The following AKAP13 variants were observed in gnomAD, a reference collection of about 807,000 sequenced individuals.
AKAP13 encodes A-kinase anchoring protein 13, also known as A-kinase anchor protein 13.
Under a neutral mutation model 264.5 loss-of-function variants are expected in AKAP13, and 80 were observed. The ratio of observed to expected loss-of-function variants is 0.30; its 90% CI spans 0.25 to 0.36. AKAP13 has a LOEUF of 0.36. Among genes scored for constraint, AKAP13 ranks in the 10% least tolerant of loss-of-function variants. The probability of loss-of-function intolerance (pLI) is 1.00; values close to 1 mark genes in which losing one functional copy is unlikely to be tolerated. For missense variants in AKAP13, 3,712 were observed against 3,435.2 expected (o/e 1.08, Z -2.01); for synonymous variants, 1,380 against 1,250.2 (o/e 1.10, Z -2.19).
chr15:85,463,733 C>A (rs2074613984), intron 1 of AKAP13, among the ~76,000 whole-genome samples: 1 of 151,892 alleles, frequency 6.6e-6, no homozygotes, highest in Non-Finnish European at 1.5e-5. Context: ...ACATCAAAGG[C>A]AGTGAGTTCT....
intron 17 of AKAP13, chr15:85,700,959 C>G (rs1326660759): frequency 6.6e-6 from 1 of 152,164 alleles, no homozygotes; most frequent in Non-Finnish European, 1.5e-5. Flanking sequence ...CCTCTGACCT[C>G]ACGTTTTTAG....
At chr15:85,409,905 A>G (rs1248863564) in intron 1 of AKAP13, among the ~76,000 whole-genome samples, 14 of 151,612 alleles carry the variant, frequency 9.2e-5, no homozygotes. Flanking sequence ...TGCTGGGATT[A>G]CAGGCGTGAG....
chr15:85,695,226 G>GA (rs1555460337), intron 17 of AKAP13, among the ~76,000 whole-genome samples: 2 of 152,174 alleles, frequency 1.3e-5, no homozygotes, highest in Non-Finnish European at 2.9e-5. Flanking sequence ...CCAACATGGC[G>GA]AAACCCCGTC....
intron 2 of AKAP13, among the ~76,000 whole-genome samples, chr15:85,502,956 G>A (rs2076075966): frequency 6.6e-6 from 1 of 152,164 alleles, no homozygotes; most frequent in South Asian, 2.1e-4. Flanking sequence ...GAGAAATAGT[G>A]TGTTTTACTA....
intron 6 of AKAP13, among the ~76,000 whole-genome samples, chr15:85,577,044 C>CA: frequency 6.6e-6 from 1 of 152,340 alleles, no homozygotes; most frequent in East Asian, 1.9e-4. Context: ...GTCGTACTCT[C>CA]AGCAGGACTG....
chr15:85,566,135 T>A (rs1049417709), intron 5 of AKAP13, among the ~76,000 whole-genome samples: 1 of 152,236 alleles, frequency 6.6e-6, no homozygotes, highest in South Asian at 2.1e-4. Context: ...AGAGAGACAA[T>A]TCACTTTATT....
rs1491342478 is a variant in AKAP13, at chr15:85,498,197, G to GATATATATAT, written c.33+12445_33+12446insTATATATATA. 3.1e-3 allele frequency among the ~76,000 whole-genome samples: 94 copies of GATATATATAT among 30,066 alleles called. 3 individuals are homozygous for GATATATATAT. Among genetic ancestry groups the GATATATATAT allele is most frequent in the South Asian group, 0.016 (21 of 1,278 alleles). The allele number at this position is 30,066 out of a possible 152,430, so 19.7% of individuals were successfully genotyped here. The stretch of plus-strand genomic sequence containing the variant: ...TGTGGTAGTAAGGATTAAATGAAGT[G>GATATATATAT]AGATATATATATATATATATATATA... On this transcript the variant is annotated intron_variant, in intron 2 of 36. Coordinates refer to ENST00000394518, the MANE Select transcript of AKAP13 (RefSeq NM_007200.5).
chr15:85,519,181 C>T (rs906816988), intron 2 of AKAP13, among the ~76,000 whole-genome samples: 2 of 151,966 alleles, frequency 1.3e-5, no homozygotes, highest in Admixed American at 1.3e-4. Flanking sequence ...TTTTATGGCC[C>T]ATTGTAGTGC....
At chr15:85,572,355 T>C (rs988505507) in intron 5 of AKAP13, among the ~76,000 whole-genome samples, 1 of 152,230 alleles carries the variant, frequency 6.6e-6, no homozygotes, top group African/African-American at 2.4e-5. Flanking sequence ...CAATGTAGGC[T>C]TGAAAGCTAC....
chr15:85,417,558 A>G (rs2072300394), intron 1 of AKAP13, among the ~76,000 whole-genome samples: 1 of 152,254 alleles, frequency 6.6e-6, no homozygotes, highest in Non-Finnish European at 1.5e-5. Flanking sequence ...ATGACAAGTC[A>G]TGAATTGTTA....
chr15:85,702,315 ATCT>A (rs2085974413), intron 17 of AKAP13: 1 of 152,240 alleles, frequency 6.6e-6, no homozygotes, highest in Admixed American at 6.5e-5. Flanking sequence ...GTATGTAGTC[ATCT>A]TCTCAAAGGA....
intron 35 of AKAP13, among the ~76,000 whole-genome samples, chr15:85,742,413 A>G (rs1197277054): frequency 6.6e-6 from 1 of 152,242 alleles, no homozygotes; most frequent in East Asian, 1.9e-4. Context: ...AATGGCTCTC[A>G]GGCCAGAGTT....
chr15:85,435,680 G>T (rs146005894), intron 1 of AKAP13, among the ~76,000 whole-genome samples: 1 of 79,384 alleles, frequency 1.3e-5, no homozygotes, highest in Admixed American at 1.4e-4. Context: ...TTAAAGAAAA[G>T]AATTTTCAAC....
chr15:85,530,089 C>G (rs1461903656), intron 3 of AKAP13, among the ~76,000 whole-genome samples: 1 of 152,130 alleles, frequency 6.6e-6, no homozygotes, highest in African/African-American at 2.4e-5. Context: ...GCTCACACAT[C>G]CATCCATTCA....
intron 1 of AKAP13, among the ~76,000 whole-genome samples, chr15:85,446,796 G>T (rs2073916605): frequency 6.7e-6 from 1 of 148,570 alleles, no homozygotes; most frequent in Non-Finnish European, 1.5e-5. Flanking sequence ...AGGCTCTGAT[G>T]AAGAGGATTG....
intron 13 of AKAP13, among the ~76,000 whole-genome samples, chr15:85,666,762 A>G (rs919948334): frequency 1.7e-4 from 26 of 152,278 alleles, no homozygotes; most frequent in African/African-American, 6.0e-4. Flanking sequence ...TTCTGCTGCT[A>G]CCAGTCTCTT....
chr15:85,662,351 C>T (rs369346503), intron 12 of AKAP13: 1 of 1,608,260 alleles, frequency 6.2e-7, no homozygotes, highest in Non-Finnish European at 8.5e-7. Flanking sequence ...CTCTTTTCTC[C>T]CTGCATTTCT....
At chr15:85,439,405 A>G (rs2073508519) in intron 1 of AKAP13, among the ~76,000 whole-genome samples, 1 of 151,956 alleles carries the variant, frequency 6.6e-6, no homozygotes, top group South Asian at 2.1e-4. Context: ...TGTGGATGTC[A>G]GTGTGGCGAT....
At chr15:85,707,787 A>G (rs1437833341) in intron 17 of AKAP13, among the ~76,000 whole-genome samples, 2 of 149,012 alleles carry the variant, frequency 1.3e-5, no homozygotes, top group African/African-American at 4.9e-5. Context: ...TCTCCAAATA[A>G]AGACACAAAC....
Sources: allele counts gnomAD v4.1 joint callset (sites outside exome capture counted in the v4.1 genomes callset), GRCh38; gene constraint gnomAD v4.1.1; transcripts MANE v1.5; gene names NCBI Gene and HGNC (gene_info 2026-07-23, HGNC 2026-07-21).